The following DTNA variants were observed in gnomAD, a reference collection of about 807,000 sequenced individuals.
DTNA encodes the protein dystrophin-related protein 3.
A neutral mutation model predicts 100.7 loss-of-function variants in DTNA; 43 were observed. That is an observed-to-expected ratio of 0.43 (90% confidence interval 0.33 to 0.55). DTNA has a LOEUF of 0.55. Among genes scored for constraint, DTNA ranks in the 20% least tolerant of loss-of-function variants. The pLI is 0.04. For synonymous variants in DTNA, 349 were observed against 347.9 expected, an observed-to-expected ratio of 1.00 and a Z score of -0.04; for missense variants, 798 against 953.9, an observed-to-expected ratio of 0.84 and a Z score of 2.15.
At chr18:34,841,337 G>A (rs1027009636) in intron 13 of DTNA, among the ~76,000 whole-genome samples, 3 of 152,118 alleles carry the variant, frequency 2.0e-5, no homozygotes, top group Non-Finnish European at 4.4e-5. Flanking sequence ...TACTGAAACT[G>A]TATATCTTAT....
chr18:34,651,906 A>G (rs2143943248), intron 1 of DTNA, among the ~76,000 whole-genome samples: 1 of 152,148 alleles, frequency 6.6e-6, no homozygotes, highest in Admixed American at 6.5e-5. Flanking sequence ...TCTGCAAAAA[A>G]TACAAAAATT....
intron 7 of DTNA, 123 bp from the exon 8 acceptor site, chr18:34,818,041 A>G (rs1262737567): frequency 6.3e-7 from 1 of 1,583,286 alleles, no homozygotes; most frequent in Non-Finnish European, 8.6e-7. Context: ...CTGAGCCCAA[A>G]TCAACTATCA....
intron 2 of DTNA, among the ~76,000 whole-genome samples, chr18:34,756,845 G>T (rs1317028141): frequency 1.3e-5 from 2 of 152,110 alleles, no homozygotes; most frequent in Non-Finnish European, 2.9e-5. Context: ...AAAGGAAAAA[G>T]CATGGTTCTC....
chr18:34,856,264 T>C (rs1459251720), intron 15 of DTNA, among the ~76,000 whole-genome samples: 3 of 152,108 alleles, frequency 2.0e-5, no homozygotes, highest in Admixed American at 6.5e-5. Context: ...GGCCAAAAGC[T>C]CCTTTAGGTA....
chr18:34,748,008 C>G (rs970205068), intron 1 of DTNA, among the ~76,000 whole-genome samples: 1 of 152,120 alleles, frequency 6.6e-6, no homozygotes, highest in Non-Finnish European at 1.5e-5. Context: ...GCCATTCTTG[C>G]AGAAGTAAGG....
intron 17 of DTNA, chr18:34,867,944 G>T: frequency 1.0e-6 from 1 of 985,454 alleles, no homozygotes; most frequent in Non-Finnish European, 1.2e-6. Flanking sequence ...CGTCTGGGTA[G>T]TGGCAGAGTT....
intron 16 of DTNA, among the ~76,000 whole-genome samples, chr18:34,860,110 G>C (rs1409926699): frequency 6.6e-6 from 1 of 151,502 alleles, no homozygotes; most frequent in Non-Finnish European, 1.5e-5. Context: ...GCAGTGGCAC[G>C]ATCTCGGCTC....
chr18:34,578,859 G>T (rs2048359445), intron 1 of DTNA, among the ~76,000 whole-genome samples: 1 of 151,872 alleles, frequency 6.6e-6, no homozygotes, highest in Non-Finnish European at 1.5e-5. Context: ...ATGCTGTTTT[G>T]GTGACCATGG....
At chr18:34,592,805 ATCC>A (rs1303855578) in intron 1 of DTNA, among the ~76,000 whole-genome samples, 2 of 152,182 alleles carry the variant, frequency 1.3e-5, no homozygotes, top group Non-Finnish European at 2.9e-5. Flanking sequence ...AGCCATTGCC[ATCC>A]TCTGTAAAAT....
chr18:34,778,393 A>T (rs1044615190), intron 3 of DTNA, among the ~76,000 whole-genome samples: 3 of 152,206 alleles, frequency 2.0e-5, no homozygotes, highest in African/African-American at 7.2e-5. Context: ...CTCTTTTTAT[A>T]GCATATTTTA....
chr18:34,739,886 G>T lies in DTNA; in HGVS notation c.-1-16090G>T, dbSNP rs139712631. Among the ~76,000 whole-genome samples, 321 of 152,188 alleles carry T rather than the reference G, an allele frequency of 2.1e-3. 2 individuals carry two copies. The highest frequency in any genetic ancestry group is 7.2e-3 in the African/African-American group (300 of 41,520). On this transcript the variant is annotated intron_variant, in intron 1 of 22. Transcript: ENST00000444659. ...AGAAGTAATGGTGAGAAACTTCTTG[G>T]TGTGACTCCATTATTCACACACCAT...
chr18:34,551,764 A>G (rs1039023293), intron 1 of DTNA, among the ~76,000 whole-genome samples: 12 of 152,176 alleles, frequency 7.9e-5, no homozygotes, highest in Non-Finnish European at 1.8e-4. Context: ...ATTTAAAAAT[A>G]TATATCACAT....
chr18:34,526,014 C>A (rs2042579124), intron 1 of DTNA, among the ~76,000 whole-genome samples: 1 of 152,150 alleles, frequency 6.6e-6, no homozygotes, highest in African/African-American at 2.4e-5. Flanking sequence ...TCCCTGAACT[C>A]ACCACTCTTT....
intron 6 of DTNA, among the ~76,000 whole-genome samples, chr18:34,813,443 CAAA>C (rs60685560): frequency 2.6e-5 from 3 of 115,696 alleles, no homozygotes; most frequent in Admixed American, 9.3e-5. Flanking sequence ...GGCCCTGTCT[CAAA>C]AAAAAAAAAA....
rs141416595 is a variant in DTNA at position 34,740,689 on chromosome 18, G to A, written c.-1-15287G>A. Among the ~76,000 whole-genome samples the A allele has an allele frequency of 2.1e-3, 320 of 152,134 alleles. 2 individuals carry two copies. Among genetic ancestry groups the A allele is most frequent in the African/African-American group, 7.3e-3 (303 of 41,492 alleles). On this transcript the variant is annotated intron_variant, in intron 1 of 22. Transcript: ENST00000444659. ...TGCACGCCTGTGGTCCCCATTACTCGGGAGGCTGAAGCGGGAGGATAATTT... is the reference window on the plus strand; with the variant it reads ...TGCACGCCTGTGGTCCCCATTACTCAGGAGGCTGAAGCGGGAGGATAATTT...
intron 22 of DTNA, among the ~76,000 whole-genome samples, chr18:34,885,724 A>T (rs2096915880): frequency 6.6e-6 from 1 of 152,226 alleles, no homozygotes; most frequent in Non-Finnish European, 1.5e-5. Flanking sequence ...TGGAAGGCAC[A>T]TTATCATTTA....
chr18:34,794,866 T>C (rs2094903376), intron 4 of DTNA, among the ~76,000 whole-genome samples: 2 of 152,216 alleles, frequency 1.3e-5, no homozygotes, highest in Admixed American at 1.3e-4. Flanking sequence ...TTAAAGGCTG[T>C]TCGTCCACAT....
chr18:34,678,109 A>G (rs1442821517), intron 1 of DTNA, among the ~76,000 whole-genome samples: 1 of 152,126 alleles, frequency 6.6e-6, no homozygotes, highest in Non-Finnish European at 1.5e-5. Context: ...CAGCATGGGG[A>G]TAACAGCCCC....
intron 1 of DTNA, among the ~76,000 whole-genome samples, chr18:34,501,584 G>T (rs2039930078): frequency 6.6e-6 from 1 of 152,090 alleles, no homozygotes; most frequent in Non-Finnish European, 1.5e-5. Flanking sequence ...GAAATCACCT[G>T]GGCTGGGAGA....
Sources: allele counts gnomAD v4.1 joint callset (sites outside exome capture counted in the v4.1 genomes callset), GRCh38; gene constraint gnomAD v4.1.1; transcripts MANE v1.5; gene names NCBI Gene and HGNC (gene_info 2026-07-23, HGNC 2026-07-21).